The following RNF128 variants were observed in gnomAD, a reference collection of about 807,000 sequenced individuals.
RNF128 encodes E3 ubiquitin-protein ligase RNF128.
A neutral mutation model predicts 26.2 loss-of-function variants in RNF128; 13 were observed. The observed-to-expected ratio is 0.50, with a 90% CI of 0.32 to 0.79. RNF128 has a LOEUF of 0.79. Ranked by LOEUF, RNF128 falls within the 30% of genes least tolerant of loss-of-function variation. The probability of loss-of-function intolerance (pLI) is 0.03; values close to 1 mark genes in which losing one functional copy is unlikely to be tolerated. For missense variants in RNF128, 315 were observed against 349.7 expected (o/e 0.90, Z 0.79); for synonymous variants, 149 against 142.5 (o/e 1.05, Z -0.32).
At chrX:106,761,458 A>G (rs1016460020) in intron 1 of RNF128, among the ~76,000 whole-genome samples, 5 of 111,850 alleles carry the variant, frequency 4.5e-5, no homozygotes, top group Non-Finnish European at 7.5e-5. Flanking sequence ...AAATCATTCT[A>G]CCATAAAGAC....
intron 6 of RNF128, among the ~76,000 whole-genome samples, chrX:106,792,015 C>G (rs1452085199): frequency 1.8e-5 from 2 of 111,047 alleles, no homozygotes; most frequent in African/African-American, 6.5e-5. Context: ...AAACTTTCAG[C>G]TTCCTATTAT....
At chrX:106,736,875 G>A (rs1344367269) in intron 1 of RNF128, among the ~76,000 whole-genome samples, 1 of 112,034 alleles carries the variant, frequency 8.9e-6, no homozygotes. Flanking sequence ...GGGAAAATAT[G>A]TTGTCTCTAC....
At chrX:106,720,043 T>TTCACC (rs1466997666) in intron 1 of RNF128, among the ~76,000 whole-genome samples, 7 of 111,339 alleles carry the variant, frequency 6.3e-5, no homozygotes, top group African/African-American at 2.3e-4. Flanking sequence ...TTTTGGAATC[T>TTCACC]TCACCTTACT....
At chrX:106,706,961 A>G (rs1451439967) in intron 1 of RNF128, among the ~76,000 whole-genome samples, 2 of 111,547 alleles carry the variant, frequency 1.8e-5, no homozygotes, top group South Asian at 3.7e-4. Context: ...TTGGGCAAAA[A>G]TGTTTGTCCT....
chrX:106,766,770 T>C (rs1321040894), intron 1 of RNF128, among the ~76,000 whole-genome samples: 2 of 112,224 alleles, frequency 1.8e-5, no homozygotes, highest in Non-Finnish European at 3.8e-5. Context: ...TTTGGTGTTT[T>C]GGTCATGAAG....
chrX:106,772,504 G>T (rs770214039), intron 1 of RNF128, among the ~76,000 whole-genome samples: 4 of 111,391 alleles, frequency 3.6e-5, no homozygotes, highest in Admixed American at 1.9e-4. Flanking sequence ...TTATAAATTG[G>T]GAAATATTTC....
chrX:106,792,864 G>T lies in RNF128; in HGVS notation c.1153+1630G>T, dbSNP rs537321004. Among the ~76,000 whole-genome samples the T allele has an allele frequency of 1.6e-4, 18 of 111,751 alleles. 1 individual carries two copies. Among genetic ancestry groups the T allele is most frequent in the African/African-American group, 5.5e-4 (17 of 30,832 alleles). On this transcript the variant is annotated intron_variant, in intron 6 of 6. Transcript: ENST00000255499. ...TCTATCCAGCACCCAGCACATAGTA[G>T]ATACTCAAATTTATGTTGAATGAAT... is the stretch of plus-strand genomic sequence containing the variant.
At chrX:106,742,124 G>A (rs980057966) in intron 1 of RNF128, among the ~76,000 whole-genome samples, 1 of 111,762 alleles carries the variant, frequency 8.9e-6, no homozygotes, top group Non-Finnish European at 1.9e-5. Flanking sequence ...TTAAGTGAAA[G>A]ATAATGGTGA....
chrX:106,747,792 T>C (rs1048528605), intron 1 of RNF128, among the ~76,000 whole-genome samples: 29 of 112,467 alleles, frequency 2.6e-4, no homozygotes, highest in African/African-American at 9.3e-4. Flanking sequence ...TTGGGAATTA[T>C]TATTTTCTAC....
upstream of RNF128, among the ~76,000 whole-genome samples, chrX:106,725,321 G>A (rs1191914372): frequency 8.9e-6 from 1 of 111,742 alleles, no homozygotes; most frequent in Non-Finnish European, 1.9e-5. Context: ...TGTTCTAGGT[G>A]TTGTTTGGTA....
chrX:106,734,313 T>TCTAA (rs1227461919), intron 1 of RNF128, among the ~76,000 whole-genome samples: 2 of 112,028 alleles, frequency 1.8e-5, no homozygotes, highest in African/African-American at 6.5e-5. Context: ...CATGGTCTGA[T>TCTAA]CTAACCCATA....
chrX:106,748,336 A>G (rs1929822438), intron 1 of RNF128, among the ~76,000 whole-genome samples: 1 of 112,369 alleles, frequency 8.9e-6, no homozygotes, highest in Admixed American at 9.4e-5. Flanking sequence ...TTATTATGAG[A>G]GAATAACAAA....
intron 2 of RNF128, among the ~76,000 whole-genome samples, chrX:106,775,825 A>T (rs765470307): frequency 8.9e-6 from 1 of 111,832 alleles, no homozygotes; most frequent in Admixed American, 9.5e-5. Flanking sequence ...CTTCATTAGA[A>T]TGTTAGGCAA....
chrX:106,787,073 T>C (rs1221228184), intron 3 of RNF128, among the ~76,000 whole-genome samples: 2 of 110,784 alleles, frequency 1.8e-5, no homozygotes, highest in East Asian at 2.8e-4. Context: ...ACACTTACCA[T>C]AGCACCTAGC....
intron 1 of RNF128, among the ~76,000 whole-genome samples, chrX:106,733,259 A>G (rs1189759236): frequency 9.0e-6 from 1 of 111,085 alleles, no homozygotes; most frequent in Non-Finnish European, 1.9e-5. Flanking sequence ...TCCCCCATGG[A>G]TACTGAGGGA....
intron 1 of RNF128, among the ~76,000 whole-genome samples, chrX:106,712,020 A>G (rs1362648827): frequency 8.9e-6 from 1 of 112,622 alleles, no homozygotes; most frequent in Non-Finnish European, 1.9e-5. Context: ...CATACAGAAT[A>G]CAAATATGCT....
At chrX:106,694,012 G>A (rs763085267) in exon 1 of RNF128, 2 of 1,195,212 alleles carry the variant, frequency 1.7e-6, no homozygotes, top group East Asian at 5.9e-5. Context: ...AATGAACCAG[G>A]AGAATAGGTC....
At chrX:106,766,047 T>C (rs891061879) in intron 1 of RNF128, among the ~76,000 whole-genome samples, 2 of 111,400 alleles carry the variant, frequency 1.8e-5, no homozygotes, top group Middle Eastern at 9.2e-3. Context: ...AGACATGAAC[T>C]CATCTTTTTA....
At position 106,795,984 on chromosome X, in the gene RNF128, CG is replaced by C. The variant is rs2147706898; in HGVS notation, c.*272del. ...ATTCAAAACTGTCTTCAAGAAGTCA[CG>C]TTTTTCATTTATAACAATTTTCTTA... is the stretch of plus-strand genomic sequence containing the variant. On this transcript the variant is annotated 3_prime_UTR_variant, in exon 7 of 7. Coordinates refer to ENST00000255499, the MANE Select transcript of RNF128 (RefSeq NM_194463.2). 6.1e-6 allele frequency: 1 copy of C among 163,987 alleles called. No homozygotes were observed. The highest frequency in any genetic ancestry group is 1.3e-4 in the East Asian group (1 of 7,994). 13.5% of individuals were successfully genotyped at this position (163,987 alleles called of 1,213,427 possible).
Sources: gnomAD v4.1 joint callset for allele counts (sites outside exome capture counted in the v4.1 genomes callset) on GRCh38, gnomAD v4.1.1 for gene constraint, MANE v1.5 for transcripts, NCBI Gene and HGNC (gene_info 2026-07-23, HGNC 2026-07-21) for gene names.